Variants in PRPF6 observed in about 807,000 individuals in gnomAD.
PRPF6 encodes pre-mRNA processing factor 6, also known as pre-mRNA-processing factor 6.
In PRPF6, 42 loss-of-function variants were observed where a neutral mutation model predicts 118.3. The observed-to-expected ratio is 0.35, with a 90% CI of 0.28 to 0.46. The LOEUF (loss-of-function observed/expected upper bound fraction) is 0.46. Ranked by LOEUF, PRPF6 falls within the 20% of genes least tolerant of loss-of-function variation. PRPF6 has a pLI of 1.00. For missense variants in PRPF6, 662 were observed against 1,255.7 expected (o/e 0.53, Z 7.15); for synonymous variants, 481 against 485.1 (o/e 0.99, Z 0.11).
chr20:63,995,194 T>C, intron 5 of PRPF6, 102 bp downstream of exon 5: 1 of 1,587,712 alleles, frequency 6.3e-7, no homozygotes, highest in South Asian at 1.1e-5. Context: ...AGGTCATGGC[T>C]ATGCTGTGGC....
At chr20:63,998,785 T>C (rs951983364) in intron 6 of PRPF6, among the ~76,000 whole-genome samples, 2 of 147,400 alleles carry the variant, frequency 1.4e-5, no homozygotes. Context: ...GAGCTTGCAG[T>C]GAGCCGAGAT....
At chr20:64,024,434 T>C (rs949537995) in intron 13 of PRPF6, 121 bp from the exon 14 acceptor site, 6 of 1,330,082 alleles carry the variant, frequency 4.5e-6, no homozygotes, top group African/African-American at 1.4e-5. Context: ...TGGTCAATCA[T>C]TTATAGCATC....
rs1280986336 is a variant in PRPF6 at position 64,002,634 on chromosome 20, CCTTTT to C, written c.1186+1406_1186+1410del. ...TACAGGCGTGAGCCCCTGTGCCTGG[CCTTTT>C]CTTTTCTTTTTTTTTTTTTTTTGAG... On this transcript the variant is annotated intron_variant, in intron 9 of 20. Transcript: ENST00000266079. Among the ~76,000 whole-genome samples, 21 of 150,320 alleles carry C rather than the reference CCTTTT, an allele frequency of 1.4e-4. No homozygotes were observed. The East Asian group carries it at 2.9e-3, about 21-fold the overall frequency.
Position 63,981,236 on chromosome 20 carries a change from C to T in PRPF6, c.-10C>T, listed in dbSNP as rs369102609. On this transcript the variant is annotated 5_prime_UTR_variant, in exon 1 of 21. Coordinates refer to ENST00000266079, the MANE Select transcript of PRPF6 (RefSeq NM_012469.4). ...TCCTTTCCTTCCTAGCCTTGGTCGTCGCCGCCACCATGAACAAGAAGAAGA... is the reference window on the plus strand; with the variant it reads ...TCCTTTCCTTCCTAGCCTTGGTCGTTGCCGCCACCATGAACAAGAAGAAGA... The T allele has an allele frequency of 1.2e-6, 2 of 1,601,146 alleles. No homozygotes were observed. The highest frequency in any genetic ancestry group is 2.7e-5 in the African/African-American group (2 of 74,734).
At chr20:63,995,603 C>A in intron 6 of PRPF6, 121 bp downstream of exon 6, 3 of 1,100,146 alleles carry the variant, frequency 2.7e-6, no homozygotes, top group Non-Finnish European at 3.9e-6. Context: ...CCTCCTCCTT[C>A]TTCTCCTTCT....
chr20:63,998,706 G>C (rs970542788), intron 6 of PRPF6, among the ~76,000 whole-genome samples: 1 of 151,094 alleles, frequency 6.6e-6, no homozygotes, highest in African/African-American at 2.4e-5. Flanking sequence ...GCCAGGTGTG[G>C]TGGCGGGCGC....
chr20:64,025,398 G>A (rs2123093781), intron 14 of PRPF6, among the ~76,000 whole-genome samples: 1 of 152,332 alleles, frequency 6.6e-6, no homozygotes, highest in South Asian at 2.1e-4. Context: ...GGCTGGGGAG[G>A]CTTTGAGGGC....
chr20:64,000,777 C>T (rs2059163131), intron 8 of PRPF6, among the ~76,000 whole-genome samples: 1 of 152,206 alleles, frequency 6.6e-6, no homozygotes, highest in African/African-American at 2.4e-5. Context: ...CCATGTTGGC[C>T]AGGCTGGTCT....
At chr20:64,001,935 G>A (rs899007166) in intron 9 of PRPF6, among the ~76,000 whole-genome samples, 2 of 151,882 alleles carry the variant, frequency 1.3e-5, no homozygotes, top group Admixed American at 6.6e-5. Context: ...GGTCCAGAAC[G>A]AGTGCTAGTC....
At chr20:63,982,937 G>A (rs1295274410) in intron 1 of PRPF6, 110 bp from the exon 2 acceptor site, 14 of 1,294,738 alleles carry the variant, frequency 1.1e-5, no homozygotes, top group African/African-American at 1.5e-5. Flanking sequence ...ATCTTTGGAG[G>A]TTTCCCAAAG....
At chr20:64,003,904 A>G (rs1002214364) in intron 9 of PRPF6, among the ~76,000 whole-genome samples, 6 of 152,202 alleles carry the variant, frequency 3.9e-5, no homozygotes, top group East Asian at 1.9e-4. Context: ...GGCCAGAGAC[A>G]GCGTCTTATA....
chr20:63,983,089 T>C lies in PRPF6; in HGVS notation c.114T>C (p.Arg38=). 1 of 1,614,164 alleles carries C rather than the reference T, an allele frequency of 6.2e-7. No individual in the cohort carries two copies. Among genetic ancestry groups the C allele is most frequent in the Non-Finnish European group, 8.5e-7 (1 of 1,180,034 alleles). The change falls in exon 2 of 21, where the codon CGT becomes CGC. Residue 38 remains arginine, a synonymous_variant. Coordinates refer to ENST00000266079, the MANE Select transcript of PRPF6 (RefSeq NM_012469.4). ...CGCGGTCAGACATTGGGCCCGCCCG[T>C]GATGCAAATGACCCTGTGGATGATC... ...FTTRSDIGPA[R]DANDPVDDRH...
Position 64,027,871 on chromosome 20 carries a change from G to T in PRPF6, c.2339+135G>T. 1 of 1,319,722 alleles carries T rather than the reference G, an allele frequency of 7.6e-7. No homozygotes were observed. Among genetic ancestry groups the T allele is most frequent in the Non-Finnish European group, 1.1e-6 (1 of 921,206 alleles). 81.8% of individuals were successfully genotyped at this position (1,319,722 alleles called of 1,614,324 possible). ...GGGGCTTGGGGGGCGGTAGGTGCTG[G>T]CCATGAAAAATCACGGTCCCTGCCT... is the stretch of plus-strand genomic sequence containing the variant. On this transcript the variant is annotated intron_variant, in intron 17 of 20. Coordinates refer to ENST00000266079, the MANE Select transcript of PRPF6 (RefSeq NM_012469.4). This position sits in a 1 kb window ranked among gnomAD's most constrained non-coding sequence, Gnocchi z 6.5.
In PRPF6 at chr20:64,021,621, GTGTGTT is replaced by G. The variant is rs1183874385; in HGVS notation, c.1648-1130_1648-1125del. 2.3e-3 allele frequency among the ~76,000 whole-genome samples: 340 copies of G among 145,096 alleles called. 3 individuals are homozygous for G. The highest frequency in any genetic ancestry group is 8.6e-3 in the African/African-American group (329 of 38,194). On this transcript the variant is annotated intron_variant, in intron 12 of 20. Transcript: ENST00000266079. ...GCCACAGCCCCATGTCTGTGTGTGC[GTGTGTT>G]TGTGTGTGTGCGTGCACATATGCAT...
intron 3 of PRPF6, among the ~76,000 whole-genome samples, chr20:63,985,761 C>G (rs2059090322): frequency 6.6e-6 from 1 of 152,142 alleles, no homozygotes; most frequent in South Asian, 2.1e-4. Flanking sequence ...AAAGCTGTAA[C>G]AGAAAGTGTC....
In PRPF6 at chr20:64,029,082, G is replaced by A. The variant is rs2059303632; in HGVS notation, c.2432-295G>A. Among the ~76,000 whole-genome samples the A allele has an allele frequency of 6.6e-6, 1 of 152,178 alleles. No homozygotes were observed. The highest frequency in any genetic ancestry group is 2.1e-4 in the South Asian group (1 of 4,834). On this transcript the variant is annotated intron_variant, in intron 18 of 20. Transcript: ENST00000266079. This position sits in a 1 kb window ranked among gnomAD's most constrained non-coding sequence, Gnocchi z 4.8. ...CTCGGGAGGCTGAGGCAGGAGAATTGCTTGAGCCCGGGAGTGGGAGGTTGC... is the reference window on the plus strand; with the variant it reads ...CTCGGGAGGCTGAGGCAGGAGAATTACTTGAGCCCGGGAGTGGGAGGTTGC...
chr20:64,028,278 G>A lies in PRPF6; in HGVS notation c.2340-200G>A, dbSNP rs1044234164. On this transcript the variant is annotated intron_variant, in intron 17 of 20. Coordinates refer to ENST00000266079, the MANE Select transcript of PRPF6 (RefSeq NM_012469.4). The surrounding 1 kb of genome is among the most constrained non-coding windows in gnomAD (Gnocchi z 6.5). ...GCGTCAGGATCTGAGGTCTTGCCTT[G>A]GGGCGGTTGCCAGTGGGGCTGGCAG... Among the ~76,000 whole-genome samples the A allele has an allele frequency of 2.0e-5, 3 of 152,240 alleles. No individual in the cohort carries two copies. The highest frequency in any genetic ancestry group is 4.4e-5 in the Non-Finnish European group (3 of 68,038).
intron 3 of PRPF6, among the ~76,000 whole-genome samples, chr20:63,990,674 T>C (rs1396062104): frequency 6.6e-6 from 1 of 150,710 alleles, no homozygotes; most frequent in Non-Finnish European, 1.5e-5. Context: ...AGATGGAGTC[T>C]CACTCTATTG....
intron 6 of PRPF6, among the ~76,000 whole-genome samples, chr20:63,996,193 G>A (rs570494790): frequency 6.6e-6 from 1 of 152,134 alleles, no homozygotes; most frequent in Non-Finnish European, 1.5e-5. Flanking sequence ...ACAGAAATTG[G>A]CCAGGTGTGG....
Sources: gnomAD v4.1 joint callset for allele counts (sites outside exome capture counted in the v4.1 genomes callset) on GRCh38, gnomAD v4.1.1 for gene constraint, Gnocchi (gnomAD v3.1) non-coding constraint, MANE v1.5 for transcripts, NCBI Gene and HGNC (gene_info 2026-07-23, HGNC 2026-07-21) for gene names.